Variants in BCAS3 observed in about 807,000 individuals in gnomAD.
The protein encoded by BCAS3 is BCAS4/BCAS3 fusion.
A neutral mutation model predicts 116.1 loss-of-function variants in BCAS3; 53 were observed. The ratio of observed to expected loss-of-function variants is 0.46; its 90% CI spans 0.37 to 0.57. BCAS3 has a LOEUF of 0.57. Among genes scored for constraint, BCAS3 ranks in the 20% least tolerant of loss-of-function variants. The pLI is 0.00. For synonymous variants in BCAS3, 391 were observed against 408.2 expected (o/e 0.96, Z 0.51); for missense variants, 917 against 1,165.4 (o/e 0.79, Z 3.10).
In BCAS3 at chr17:60,962,076, A is replaced by G. The variant is rs1290566847; in HGVS notation, c.1221+14724A>G. Among the ~76,000 whole-genome samples, 1 of 152,036 alleles carries G rather than the reference A, an allele frequency of 6.6e-6. No individual in the cohort carries two copies. The highest frequency in any genetic ancestry group is 1.5e-5 in the Non-Finnish European group (1 of 68,008). ...TATATATACCATATATGCTTTATTT[A>G]TTCATCTGTTGATGAACTCTTAGAG... On this transcript the variant is annotated intron_variant, in intron 14 of 23. Coordinates refer to ENST00000407086, the MANE Select transcript of BCAS3 (RefSeq NM_017679.5). This position sits in a 1 kb window ranked among gnomAD's most constrained non-coding sequence, Gnocchi z 4.4.
intron 7 of BCAS3, among the ~76,000 whole-genome samples, chr17:60,825,555 A>G (rs1280686997): frequency 7.0e-6 from 1 of 142,330 alleles, no homozygotes; most frequent in Admixed American, 7.0e-5. Flanking sequence ...ATTATTTATA[A>G]TAATTTATAA....
At chr17:61,005,938 C>G (rs2064664412) in intron 15 of BCAS3, among the ~76,000 whole-genome samples, 1 of 151,952 alleles carries the variant, frequency 6.6e-6, no homozygotes, top group Non-Finnish European at 1.5e-5. Context: ...CCAGTGCTAT[C>G]CCTCCCCCTT....
intron 5 of BCAS3, chr17:60,727,366 G>A (rs2144135522): frequency 6.5e-7 from 1 of 1,547,390 alleles, no homozygotes. Flanking sequence ...TCCGATCATA[G>A]CGCCTCTTTC....
In BCAS3 at chr17:61,082,097, A is replaced by G. The variant is rs1032854030; in HGVS notation, c.2328-2370A>G. The stretch of plus-strand genomic sequence containing the variant: ...CCCTACACAGAGCAGGTGTTTAAAA[A>G]GAATGGGCAATGAAATATTTGCTAA... On this transcript the variant is annotated intron_variant, in intron 21 of 23. Transcript: ENST00000407086. This position sits in a 1 kb window ranked among gnomAD's most constrained non-coding sequence, Gnocchi z 5.1. Among the ~76,000 whole-genome samples the G allele has an allele frequency of 1.2e-4, 19 of 152,244 alleles. No homozygotes were observed. Among genetic ancestry groups the G allele is most frequent in the Admixed American group, 8.5e-4 (13 of 15,290 alleles).
intron 7 of BCAS3, among the ~76,000 whole-genome samples, chr17:60,859,457 G>A (rs752507723): frequency 2.6e-5 from 4 of 151,970 alleles, no homozygotes; most frequent in Non-Finnish European, 4.4e-5. Flanking sequence ...TAGGTTTTCT[G>A]TTCTTGCATT....
intron 22 of BCAS3, among the ~76,000 whole-genome samples, chr17:61,179,273 CTT>C (rs34316965): frequency 1.3e-4 from 17 of 129,894 alleles, no homozygotes; most frequent in Non-Finnish European, 1.4e-4. Context: ...AAGAAAAAGC[CTT>C]TTTTTTTTTT....
At chr17:60,862,006 G>A (rs956167060) in intron 7 of BCAS3, among the ~76,000 whole-genome samples, 11 of 152,268 alleles carry the variant, frequency 7.2e-5, no homozygotes, top group South Asian at 2.1e-4. Context: ...GGCTTCGGCC[G>A]GGCGTGGTGG....
At chr17:61,102,107 A>C (rs1283012928) in intron 22 of BCAS3, among the ~76,000 whole-genome samples, 1 of 152,178 alleles carries the variant, frequency 6.6e-6, no homozygotes, top group African/African-American at 2.4e-5. Context: ...ATTAACATTC[A>C]CAAAAATAGC....
At chr17:61,055,750 G>T (rs1000690449) in intron 19 of BCAS3, among the ~76,000 whole-genome samples, 16 of 152,070 alleles carry the variant, frequency 1.1e-4, no homozygotes, top group African/African-American at 3.6e-4. Context: ...GGGCCAAGGG[G>T]ATCCTAATGT....
At chr17:60,829,900 G>C (rs1355914313) in intron 7 of BCAS3, among the ~76,000 whole-genome samples, 1 of 152,080 alleles carries the variant, frequency 6.6e-6, no homozygotes, top group Admixed American at 6.6e-5. Context: ...TTCTGGATGT[G>C]CTTTTTCTCC....
At chr17:61,296,358 G>C (rs974975902) in intron 22 of BCAS3, among the ~76,000 whole-genome samples, 1 of 152,164 alleles carries the variant, frequency 6.6e-6, no homozygotes, top group Non-Finnish European at 1.5e-5. Flanking sequence ...GGTCCCAAAG[G>C]CCCATCCAGT....
chr17:61,174,658 T>C (rs2079037160), intron 22 of BCAS3, among the ~76,000 whole-genome samples: 3 of 152,220 alleles, frequency 2.0e-5, no homozygotes, highest in Admixed American at 2.0e-4. Flanking sequence ...TTTCCTTTCC[T>C]TTCTGTATAT....
At chr17:60,686,395 CAT>C (rs1362993928) in intron 3 of BCAS3, among the ~76,000 whole-genome samples, 1 of 151,686 alleles carries the variant, frequency 6.6e-6, no homozygotes, top group Non-Finnish European at 1.5e-5. Context: ...AAAGAGAGAA[CAT>C]GTGTTGTTGG....
chr17:60,766,270 C>T (rs376863471), intron 6 of BCAS3, among the ~76,000 whole-genome samples: 73 of 152,302 alleles, frequency 4.8e-4, no homozygotes, highest in African/African-American at 1.7e-3. Context: ...AAGAAGCGCT[C>T]TGGTTTTTAG....
rs958596526 is a variant in BCAS3, at chr17:61,208,108, A to T, written c.2425+123544A>T. Among the ~76,000 whole-genome samples the T allele has an allele frequency of 1.3e-5, 2 of 152,226 alleles. No homozygotes were observed. The highest frequency in any genetic ancestry group is 4.8e-5 in the African/African-American group (2 of 41,458). ...TTTAATATTTTAGAAAGTGGCTTAT[A>T]AAAAATTTATTGATTTCTACTTAGT... On this transcript the variant is annotated intron_variant, in intron 22 of 23. Coordinates refer to ENST00000407086, the MANE Select transcript of BCAS3 (RefSeq NM_017679.5). This position sits in a 1 kb window ranked among gnomAD's most constrained non-coding sequence, Gnocchi z 4.5.
intron 22 of BCAS3, among the ~76,000 whole-genome samples, chr17:61,304,110 C>T (rs1463003716): frequency 6.6e-6 from 1 of 152,226 alleles, no homozygotes; most frequent in Non-Finnish European, 1.5e-5. Context: ...CTGATTGTTT[C>T]TCTCTAAATA....
At chr17:61,179,021 A>C (rs920572933) in intron 22 of BCAS3, among the ~76,000 whole-genome samples, 3 of 152,124 alleles carry the variant, frequency 2.0e-5, no homozygotes, top group African/African-American at 7.2e-5. Context: ...ATCTAGTTTA[A>C]TGCACCAAGT....
At position 61,141,856 on chromosome 17, in the gene BCAS3, G is replaced by A. The variant is rs111495432; in HGVS notation, c.2425+57292G>A. ...GCGGAGGTTGCAGTGAGCCGAGATC[G>A]CGCCACTGCACTCCAGCCTGGTGAC... is the stretch of plus-strand genomic sequence containing the variant. On this transcript the variant is annotated intron_variant, in intron 22 of 23. Coordinates refer to ENST00000407086, the MANE Select transcript of BCAS3 (RefSeq NM_017679.5). The surrounding 1 kb of genome is among the most constrained non-coding windows in gnomAD (Gnocchi z 4.3). Among the ~76,000 whole-genome samples the A allele has an allele frequency of 2.8e-5, 4 of 142,824 alleles. No homozygotes were observed. Among genetic ancestry groups the A allele is most frequent in the African/African-American group, 2.6e-5 (1 of 37,974 alleles). The allele number at this position is 142,824 out of a possible 152,430, so 93.7% of individuals were successfully genotyped here. A position where few individuals can be genotyped will look rare whatever the true frequency, so the allele number is the denominator to read the frequency against.
At chr17:61,237,331 T>C (rs1314216955) in intron 22 of BCAS3, among the ~76,000 whole-genome samples, 1 of 152,104 alleles carries the variant, frequency 6.6e-6, no homozygotes, top group Non-Finnish European at 1.5e-5. Context: ...CTCTGTAAAA[T>C]GCACCAATCA....
Sources: allele counts gnomAD v4.1 joint callset (sites outside exome capture counted in the v4.1 genomes callset), GRCh38; gene constraint gnomAD v4.1.1; non-coding constraint Gnocchi (gnomAD v3.1); transcripts MANE v1.5; gene names NCBI Gene and HGNC (gene_info 2026-07-23, HGNC 2026-07-21).